The following LZTS2 variants were observed in gnomAD, a reference collection of about 807,000 sequenced individuals.
The protein encoded by LZTS2 is leucine zipper putative tumor suppressor 2.
LZTS2 carries 32 observed loss-of-function variants against 60.6 expected under a neutral mutation model. The observed-to-expected ratio is 0.53, with a 90% confidence interval of 0.40 to 0.71. The LOEUF is 0.71. LZTS2 is among the 30% of genes least tolerant of loss of function. The probability of loss-of-function intolerance (pLI) is 0.00; values close to 1 mark genes in which losing one functional copy is unlikely to be tolerated. For missense variants in LZTS2, 792 were observed against 901.9 expected (o/e 0.88, Z 1.56); for synonymous variants, 360 against 393.1 (o/e 0.92, Z 1.00).
At chr10:101,005,550 A>ACAGCTGCTGCAGCTGCAGGTGTTC (rs1245587897) in exon 3 of LZTS2, 11 of 1,609,156 alleles carry the variant, frequency 6.8e-6, no homozygotes, top group African/African-American at 1.3e-5. Context: ...AGCGGGCCCA[A>ACAGCTGCTGCAGCTGCAGGTGTTC]CAGCTGCTGC....
exon 4 of LZTS2, chr10:101,007,561 G>T: frequency 1.5e-6 from 2 of 1,308,172 alleles, no homozygotes; most frequent in Non-Finnish European, 2.0e-6. Flanking sequence ...GATGGCACCA[G>T]CTGCTCCGGA....
exon 1 of LZTS2, chr10:101,001,367 C>T (rs1253739176): frequency 6.6e-6 from 1 of 152,268 alleles, no homozygotes; most frequent in African/African-American, 2.4e-5. Context: ...ATATATCAAA[C>T]ATGCATAGAC....
exon 3 of LZTS2, chr10:101,005,466 G>T (rs1471739714): frequency 1.3e-6 from 2 of 1,565,412 alleles, no homozygotes; most frequent in South Asian, 1.1e-5. Flanking sequence ...AGGCATACGA[G>T]GAGCGGCAGC....
exon 2 of LZTS2, chr10:101,003,543 A>C (rs568990254): frequency 6.5e-7 from 1 of 1,530,388 alleles, no homozygotes; most frequent in African/African-American, 1.4e-5. Context: ...AACAGCCTTC[A>C]AGCCAGTGCT....
chr10:101,004,006 ACAG>A, exon 2 of LZTS2: 1 of 1,612,964 alleles, frequency 6.2e-7, no homozygotes. Flanking sequence ...GCCTCCCCTG[ACAG>A]CAGCTCCTGT....
At chr10:101,005,791 T>G (rs1852168193) in intron 3 of LZTS2, 76 bp downstream of exon 4, 1 of 1,417,532 alleles carries the variant, frequency 7.1e-7, no homozygotes, top group Admixed American at 2.8e-5. Context: ...AGCCCCACCC[T>G]CCCTCAGCCT....
upstream of LZTS2, chr10:100,997,376 G>T (rs948014098): frequency 6.6e-6 from 1 of 152,344 alleles, no homozygotes; most frequent in Non-Finnish European, 1.5e-5. Context: ...CGAAGAGTCC[G>T]AACAGGGAAG....
chr10:100,996,760 G>A (rs1343101635), upstream of LZTS2: 2 of 152,400 alleles, frequency 1.3e-5, no homozygotes, highest in African/African-American at 4.8e-5. Context: ...CTGTATTTGG[G>A]GATTGGGCCA....
chr10:101,002,752 C>G, exon 1 of LZTS2: 1 of 1,613,260 alleles, frequency 6.2e-7, no homozygotes. Flanking sequence ...GGCACAGGAG[C>G]CGCTGTGCCC....
chr10:101,005,865 T>G lies in LZTS2; in HGVS notation c.1326+150T>G. ...GATGAGGTTCCCCTCTGTCCCTTTC[T>G]GGGAGGGGGGTCTCCTTGTTGGCCT... On this transcript the variant is annotated intron_variant, in intron 3 of 3. Coordinates refer to ENST00000370220, the Ensembl canonical transcript of LZTS2. 2 of 1,139,124 alleles carry G rather than the reference T, an allele frequency of 1.8e-6. 1 individual carries two copies. Among genetic ancestry groups the G allele is most frequent in the South Asian group, 3.5e-5 (2 of 57,570 alleles). The allele number at this position is 1,139,124 out of a possible 1,614,324, so 70.6% of individuals were successfully genotyped here.
exon 4 of LZTS2, chr10:101,006,727 G>A: frequency 6.2e-7 from 1 of 1,601,278 alleles, no homozygotes; most frequent in Non-Finnish European, 8.5e-7. Context: ...CTGAGCAGCT[G>A]CGGGAGAAAG....
rs1364009607 is a variant in LZTS2 at position 101,003,550 on chromosome 10, T to C, written c.452T>C (p.Val151Ala). Residue 151 changes from valine (V) to alanine (A), a missense_variant, in exon 2 of 4, where the codon GTG becomes GCG. Val to Ala is a moderately conservative substitution (Grantham distance 64). Coordinates refer to ENST00000370220, the Ensembl canonical transcript of LZTS2. ...ATCCGCCCAACAGCCTTCAAGCCAGTGCTGCCCAAACCTCGAGGGGCTCCG... is the reference window on the plus strand; with the variant it reads ...ATCCGCCCAACAGCCTTCAAGCCAGCGCTGCCCAAACCTCGAGGGGCTCCG... 5.8e-6 allele frequency: 9 copies of C among 1,541,738 alleles called. No homozygotes were observed. The East Asian group carries it at 2.0e-4, about 35-fold the overall frequency.
chr10:101,007,697 T>TTTA, exon 4 of LZTS2: 1 of 1,029,412 alleles, frequency 9.7e-7, no homozygotes, highest in Non-Finnish European at 1.2e-6. Context: ...AAATGTCTTG[T>TTTA]TTATTTGTGT....
At chr10:101,004,850 T>A (rs807027) in intron 2 of LZTS2, among the ~76,000 whole-genome samples, 44,207 of 152,074 alleles carry the variant, frequency 0.29, 6,967 homozygotes, top group East Asian at 0.54. Flanking sequence ...TTGCCTTTTT[T>A]AAAATTTTTT....
exon 2 of LZTS2, chr10:101,003,629 C>G (rs1293512639): frequency 6.2e-7 from 1 of 1,605,028 alleles, no homozygotes; most frequent in East Asian, 2.2e-5. Flanking sequence ...GGAGCCAGGG[C>G]AGCCTGACGC....
rs764904227 is a variant in LZTS2 at position 101,006,894 on chromosome 10, G to A, written c.1736G>A (p.Arg579Gln). The A allele has an allele frequency of 2.3e-5, 36 of 1,533,164 alleles. No individual in the cohort carries two copies. Among genetic ancestry groups the A allele is most frequent in the Admixed American group, 1.0e-4 (5 of 50,202 alleles). 95.0% of individuals were successfully genotyped at this position (1,533,164 alleles called of 1,614,324 possible). A position where few individuals can be genotyped will look rare whatever the true frequency, so the allele number is the denominator to read the frequency against. The change falls in exon 4 of 4, where the codon CGG becomes CAG. Residue 579 changes from arginine to glutamine, a missense_variant. By Grantham distance (43) the Arg-to-Gln change is conservative. Coordinates refer to ENST00000370220, the Ensembl canonical transcript of LZTS2. ...TTGCGGGCCCAGGTGGAGCGATTGC[G>A]GGTGGAGCTGCAGCGGGAGCGGCGG...
At chr10:101,003,858 C>A (rs1434680283) in exon 2 of LZTS2, 1 of 1,613,186 alleles carries the variant, frequency 6.2e-7, no homozygotes, top group East Asian at 2.2e-5. Context: ...TGGCTCTGGG[C>A]GAGGGGCACT....
At chr10:101,002,926 G>A (rs760167577) in exon 1 of LZTS2, 1 of 1,611,622 alleles carries the variant, frequency 6.2e-7, no homozygotes, top group South Asian at 1.1e-5. Context: ...GCTCATCCCT[G>A]TCTCTGGAAA....
chr10:101,002,512 G>T lies in LZTS2; in HGVS notation c.-27G>T, dbSNP rs770796753. On this transcript the variant is annotated 5_prime_UTR_variant, in exon 1 of 4. Transcript: ENST00000370220. ...CTGCTTACAGGTCGCCTGCGAGGCC[G>T]CTGGCCAGGCCTGAGCCTCTGCCAC... 8.7e-6 allele frequency: 13 copies of T among 1,494,818 alleles called. No homozygotes were observed. The African/African-American group carries it at 1.4e-4, about 16-fold the overall frequency. The allele number at this position is 1,494,818 out of a possible 1,614,324, so 92.6% of individuals were successfully genotyped here.
Sources: allele counts gnomAD v4.1 joint callset (sites outside exome capture counted in the v4.1 genomes callset), GRCh38; gene constraint gnomAD v4.1.1; transcripts MANE v1.5; gene names NCBI Gene and HGNC (gene_info 2026-07-23, HGNC 2026-07-21).